Variants in SH3TC1 observed in about 807,000 individuals in gnomAD.
The protein encoded by SH3TC1 is SH3 domain and tetratricopeptide repeats 1.
SH3TC1 carries 135 observed loss-of-function variants against 117.3 expected under a neutral mutation model. The observed-to-expected ratio is 1.15, with a 90% confidence interval of 1.00 to 1.33. The LOEUF (loss-of-function observed/expected upper bound fraction) is 1.33, where lower values mean the gene tolerates loss of function less well. SH3TC1 is among the 40% of genes most tolerant of loss of function. The pLI is 0.00. For missense variants in SH3TC1, 2,092 were observed against 1,794.3 expected, an observed-to-expected ratio of 1.17 and a Z score of -3.00; for synonymous variants, 898 against 816.9, an observed-to-expected ratio of 1.10 and a Z score of -1.69.
intron 13 of SH3TC1, 146 bp downstream of exon 13, chr4:8,232,302 G>T: frequency 6.8e-7 from 1 of 1,469,316 alleles, no homozygotes; most frequent in East Asian, 2.3e-5. Context: ...TCTGAGCTGG[G>T]GGGCCTGGGG....
At position 8,199,994 on chromosome 4, in the gene SH3TC1, C is replaced by T. The variant is rs188374828; in HGVS notation, c.-29+589C>T. 2.5e-4 allele frequency among the ~76,000 whole-genome samples: 38 copies of T among 152,294 alleles called. No individual in the cohort carries two copies. In the East Asian group the frequency reaches 5.4e-3, roughly 22 times the overall value. On this transcript the variant is annotated intron_variant, in intron 1 of 17. Coordinates refer to ENST00000245105, the MANE Select transcript of SH3TC1 (RefSeq NM_018986.5). ...GCCCAGCCTTCAACTGCAGGTGTGCCGGGGCGTGTGCTCCTGTGTGTGTAC... is the reference window on the plus strand; with the variant it reads ...GCCCAGCCTTCAACTGCAGGTGTGCTGGGGCGTGTGCTCCTGTGTGTGTAC...
At position 8,219,464 on chromosome 4, in the gene SH3TC1, A is replaced by G. The variant is rs780447530; in HGVS notation, c.1046A>G (p.His349Arg). ...VPSLPWCVGRHAASGRVGFVR... is the reference protein window; with the variant it reads ...VPSLPWCVGRRAASGRVGFVR... The stretch of plus-strand genomic sequence containing the variant: ...AGCCTGCCCTGGTGCGTGGGCCGAC[A>G]CGCAGCCTCGGGCCGGGTGGGGTTT... The change falls in exon 9 of 18, where the codon CAC (histidine) becomes CGC (arginine). Residue 349 changes from histidine to arginine, a missense_variant. Transcript: ENST00000245105. 1 of 1,606,266 alleles carries G rather than the reference A, an allele frequency of 6.2e-7. No individual in the cohort carries two copies.
chr4:8,207,352 G>A (rs938793858), intron 2 of SH3TC1, among the ~76,000 whole-genome samples: 1 of 152,216 alleles, frequency 6.6e-6, no homozygotes, highest in African/African-American at 2.4e-5. Context: ...GAGAAGGGGC[G>A]GCTGCCAGTT....
chr4:8,229,794 C>A (rs866475916), intron 12 of SH3TC1, among the ~76,000 whole-genome samples: 11 of 152,230 alleles, frequency 7.2e-5, no homozygotes, highest in South Asian at 4.1e-4. Flanking sequence ...CCAGCCCCCA[C>A]AGCAGCCTCC....
Position 8,212,683 on chromosome 4 carries a change from C to A in SH3TC1, c.248-18C>A. ...GCCCAGGTCAGACCAACTGCCCAAC[C>A]TCCGTCTGCCCCTCCAGACCTGACC... is the stretch of plus-strand genomic sequence containing the variant. On this transcript the variant is annotated intron_variant, in intron 3 of 17. Transcript: ENST00000245105. 1.2e-6 allele frequency: 2 copies of A among 1,612,776 alleles called. No individual in the cohort carries two copies.
Position 8,227,763 on chromosome 4 carries a change from G to A in SH3TC1, c.2069G>A (p.Arg690Gln), listed in dbSNP as rs3733538. The change falls in exon 12 of 18, where the codon CGG becomes CAG. Residue 690 changes from arginine to glutamine, a missense_variant. Transcript: ENST00000245105. ...QPEEALPFLERLLLLHRDSGA... is the reference protein window; with the variant it reads ...QPEEALPFLEQLLLLHRDSGA... ...GAGGAGGCCCTGCCCTTCCTAGAGC[G>A]GCTGCTGCTTTTGCACAGGGACTCG... 2.2e-5 allele frequency: 36 copies of A among 1,611,764 alleles called. No individual in the cohort carries two copies. In the East Asian group the frequency reaches 5.1e-4, roughly 23 times the overall value.
chr4:8,235,437 C>A lies in SH3TC1; in HGVS notation c.3287C>A (p.Ala1096Glu). The change falls in exon 15 of 18, where the codon GCA (alanine) becomes GAA (glutamate). Residue 1096 changes from alanine to glutamate, a missense_variant. Physicochemically the swap from Ala to Glu is moderately radical, Grantham distance 107. Coordinates refer to ENST00000245105, the MANE Select transcript of SH3TC1 (RefSeq NM_018986.5). ...SELVDLYIQVAQNVALYTGDP... is the reference protein window; with the variant it reads ...SELVDLYIQVEQNVALYTGDP... ...GGAACTTCTGCCTCCTTTCAGGTGG[C>A]ACAGAACGTGGCCCTGTACACAGGC... The A allele has an allele frequency of 6.6e-7, 1 of 1,514,352 alleles. No individual in the cohort carries two copies. The highest frequency in any genetic ancestry group is 2.1e-5 in the Admixed American group (1 of 47,180). 93.8% of individuals were successfully genotyped at this position (1,514,352 alleles called of 1,614,324 possible).
At position 8,215,324 on chromosome 4, in the gene SH3TC1, C is replaced by G. The variant is rs141867972; in HGVS notation, c.481+744C>G. On this transcript the variant is annotated intron_variant, in intron 5 of 17. Coordinates refer to ENST00000245105, the MANE Select transcript of SH3TC1 (RefSeq NM_018986.5). ...GAGCCTCCCTGGGGATCTTGCGACACCACCCTTGATTTGAGGGCTAAGTGA... is the reference window on the plus strand; with the variant it reads ...GAGCCTCCCTGGGGATCTTGCGACAGCACCCTTGATTTGAGGGCTAAGTGA... 1,731 of 445,388 alleles carry G rather than the reference C, an allele frequency of 3.9e-3. 20 individuals are homozygous for G. Among genetic ancestry groups the G allele is most frequent in the African/African-American group, 0.031 (1,558 of 49,918 alleles). 27.6% of individuals were successfully genotyped at this position (445,388 alleles called of 1,614,324 possible).
chr4:8,228,881 G>A (rs1477587768), intron 12 of SH3TC1, among the ~76,000 whole-genome samples: 1 of 152,192 alleles, frequency 6.6e-6, no homozygotes, highest in Non-Finnish European at 1.5e-5. Context: ...ATCCTGCCTT[G>A]AGCACTGAAA....
At chr4:8,232,337 G>T (rs535853358) in intron 13 of SH3TC1, 181 bp downstream of exon 13, 1 of 1,541,520 alleles carries the variant, frequency 6.5e-7, no homozygotes, top group Non-Finnish European at 8.8e-7. Context: ...CTGATGACCC[G>T]TGAGTCCCAG....
chr4:8,217,674 G>T (rs914926756), intron 7 of SH3TC1, among the ~76,000 whole-genome samples: 1 of 152,220 alleles, frequency 6.6e-6, no homozygotes, highest in African/African-American at 2.4e-5. Flanking sequence ...ACAGGCTGTG[G>T]CTTGGCTTCT....
At chr4:8,237,026 C>T in intron 16 of SH3TC1, 1 of 172,810 alleles carries the variant, frequency 5.8e-6, no homozygotes, top group Non-Finnish European at 1.2e-5. Context: ...ACACCGGAGA[C>T]AGCCTGGGTG....
rs895503647 is a variant in SH3TC1 at position 8,210,889 on chromosome 4, G to C, written c.247+1067G>C. 5.9e-5 allele frequency among the ~76,000 whole-genome samples: 9 copies of C among 151,854 alleles called. 2 individuals are homozygous for C. The highest frequency in any genetic ancestry group is 1.9e-4 in the African/African-American group (8 of 41,190). ...GGCCCGGTTGGCCCTTCCCCCATAGGGGGTGAGGGTGTTTGCTCAAGGGTC... is the reference window on the plus strand; with the variant it reads ...GGCCCGGTTGGCCCTTCCCCCATAGCGGGTGAGGGTGTTTGCTCAAGGGTC... On this transcript the variant is annotated intron_variant, in intron 3 of 17. Coordinates refer to ENST00000245105, the MANE Select transcript of SH3TC1 (RefSeq NM_018986.5). The surrounding 1 kb of genome is among the most constrained non-coding windows in gnomAD (Gnocchi z 4.1).
At chr4:8,197,816 C>G (rs1040311045), upstream of SH3TC1, among the ~76,000 whole-genome samples, 2 of 152,208 alleles carry the variant, frequency 1.3e-5, no homozygotes, top group Non-Finnish European at 2.9e-5. Flanking sequence ...GAGGGCTCAC[C>G]GTGCAGGATG....
At chr4:8,236,107 C>A in intron 15 of SH3TC1, 171 bp from the exon 16 acceptor site, 1 of 818,340 alleles carries the variant, frequency 1.2e-6, no homozygotes, top group East Asian at 3.1e-5. Flanking sequence ...GGTGACTCTT[C>A]AGCCCCTAGC....
intron 12 of SH3TC1, 168 bp from the exon 13 acceptor site, chr4:8,231,808 T>A (rs1460949412): frequency 1.4e-6 from 1 of 713,696 alleles, no homozygotes; most frequent in Non-Finnish European, 2.3e-6. Flanking sequence ...ACCATGGGCA[T>A]CTGCACCAAG....
chr4:8,200,917 G>C (rs774202078), intron 1 of SH3TC1, among the ~76,000 whole-genome samples: 1 of 152,170 alleles, frequency 6.6e-6, no homozygotes, highest in Non-Finnish European at 1.5e-5. Context: ...AGGACACCAC[G>C]CACTGGATTT....
At chr4:8,231,807 A>G (rs1176256550) in intron 12 of SH3TC1, 169 bp from the exon 13 acceptor site, 1 of 707,084 alleles carries the variant, frequency 1.4e-6, no homozygotes. Context: ...TACCATGGGC[A>G]TCTGCACCAA....
At chr4:8,202,501 C>A (rs568236314) in intron 1 of SH3TC1, among the ~76,000 whole-genome samples, 1 of 152,252 alleles carries the variant, frequency 6.6e-6, no homozygotes, top group Non-Finnish European at 1.5e-5. Flanking sequence ...TCAGATGTCT[C>A]CTGATTCACC....
Sources: gnomAD v4.1 joint callset for allele counts (sites outside exome capture counted in the v4.1 genomes callset) on GRCh38, gnomAD v4.1.1 for gene constraint, Gnocchi (gnomAD v3.1) non-coding constraint, MANE v1.5 for transcripts, NCBI Gene and HGNC (gene_info 2026-07-23, HGNC 2026-07-21) for gene names.